Variants in RBBP4 observed in about 807,000 individuals in gnomAD.
RBBP4 encodes histone-binding protein RBBP4.
A neutral mutation model predicts 57.2 loss-of-function variants in RBBP4; 3 were observed. The observed-to-expected ratio is 0.05, with a 90% CI of 0.02 to 0.14. RBBP4 has a LOEUF of 0.14. RBBP4 is among the 10% of genes least tolerant of loss of function. The probability of loss-of-function intolerance (pLI) is 1.00; values close to 1 mark genes in which losing one functional copy is unlikely to be tolerated. For synonymous variants in RBBP4, 151 were observed against 171.5 expected, an observed-to-expected ratio of 0.88 and a Z score of 0.93; for missense variants, 107 against 520.6, an observed-to-expected ratio of 0.21 and a Z score of 7.73.
rs1649798639 is a variant in RBBP4 at position 32,685,971 on chromosome 1, G to C, written c.*6266G>C. The C allele has an allele frequency of 6.6e-6, 1 of 152,090 alleles. No individual in the cohort carries two copies. Among genetic ancestry groups the C allele is most frequent in the African/African-American group, 2.4e-5 (1 of 41,426 alleles). The allele number at this position is 152,090 out of a possible 1,614,324, so 9.4% of individuals were successfully genotyped here. A position where few individuals can be genotyped will look rare whatever the true frequency, so the allele number is the denominator to read the frequency against. On this transcript the variant is annotated 3_prime_UTR_variant, in exon 12 of 12. Transcript: ENST00000373493. ...CTAGTTTGACCCCTACCTCCAACTT[G>C]AACCTCTGTTACTCTTCCGTATGAA... is the stretch of plus-strand genomic sequence containing the variant.
intron 11 of RBBP4, among the ~76,000 whole-genome samples, chr1:32,677,478 AAAACAAAAC>A (rs1443588390): frequency 7.1e-6 from 1 of 140,394 alleles, no homozygotes. Context: ...TTTAAAAAAA[AAAACAAAAC>A]AAAAAACAAA....
At chr1:32,672,608 TGTTTTAACTTTTA>T in intron 9 of RBBP4, 21 bp from the exon 10 acceptor site, 1 of 1,608,508 alleles carries the variant, frequency 6.2e-7, no homozygotes, top group South Asian at 1.1e-5. Context: ...AGGGTAAATC[TGTTTTAACTTTTA>T]AAATTATGCT....
At chr1:32,662,729 G>C (rs111453488) in intron 3 of RBBP4, among the ~76,000 whole-genome samples, 7 of 151,868 alleles carry the variant, frequency 4.6e-5, no homozygotes, top group African/African-American at 1.7e-4. Flanking sequence ...GCTGGCGACT[G>C]TAATTCCAGC....
At chr1:32,677,123 G>A (rs544481218) in intron 11 of RBBP4, among the ~76,000 whole-genome samples, 2 of 152,280 alleles carry the variant, frequency 1.3e-5, no homozygotes, top group African/African-American at 4.8e-5. Flanking sequence ...CAGAGTGCTA[G>A]GAGTGTCTTT....
chr1:32,671,636 A>G (rs1648880145), intron 8 of RBBP4, among the ~76,000 whole-genome samples: 1 of 151,876 alleles, frequency 6.6e-6, no homozygotes. Context: ...AGGCAGCGAG[A>G]TCCCTTGAGC....
intron 11 of RBBP4, among the ~76,000 whole-genome samples, chr1:32,676,320 AC>A (rs1649098330): frequency 6.6e-6 from 1 of 152,062 alleles, no homozygotes; most frequent in African/African-American, 2.4e-5. Context: ...AAAGCTGATT[AC>A]TGGCCAGGTG....
chr1:32,680,311 T>A lies in RBBP4; in HGVS notation c.*606T>A. 1 of 1,312,168 alleles carries A rather than the reference T, an allele frequency of 7.6e-7. No individual in the cohort carries two copies. The highest frequency in any genetic ancestry group is 2.3e-5 in the South Asian group (1 of 44,060). The allele number at this position is 1,312,168 out of a possible 1,614,324, so 81.3% of individuals were successfully genotyped here. A position where few individuals can be genotyped will look rare whatever the true frequency, so the allele number is the denominator to read the frequency against. ...GTGTATTTCTTGAGCTGTTTTCATGTTGTTTATTTCCTGTCTGTGAAATGG... is the reference window on the plus strand; with the variant it reads ...GTGTATTTCTTGAGCTGTTTTCATGATGTTTATTTCCTGTCTGTGAAATGG... On this transcript the variant is annotated 3_prime_UTR_variant, in exon 12 of 12. Coordinates refer to ENST00000373493, the MANE Select transcript of RBBP4 (RefSeq NM_005610.3).
rs1430698068 is a variant in RBBP4, at chr1:32,684,488, GCA to G, written c.*4784_*4785del. 10 of 1,499,414 alleles carry G rather than the reference GCA, an allele frequency of 6.7e-6. No homozygotes were observed. Among genetic ancestry groups the G allele is most frequent in the Non-Finnish European group, 9.1e-6 (10 of 1,101,188 alleles). 92.9% of individuals were successfully genotyped at this position (1,499,414 alleles called of 1,614,324 possible). A position where few individuals can be genotyped will look rare whatever the true frequency, so the allele number is the denominator to read the frequency against. On this transcript the variant is annotated 3_prime_UTR_variant, in exon 12 of 12. Transcript: ENST00000373493. The stretch of plus-strand genomic sequence containing the variant: ...TTTTGTTCATTGTTTAATCTTGATA[GCA>G]GTATTGAGGCTGGTATTTATATGAT...
In RBBP4 at chr1:32,651,230, A is replaced by G. The variant is rs1371982663; in HGVS notation, c.-77A>G. 2.7e-6 allele frequency: 4 copies of G among 1,504,166 alleles called. No homozygotes were observed. The highest frequency in any genetic ancestry group is 3.6e-6 in the Non-Finnish European group (4 of 1,124,560). 93.2% of individuals were successfully genotyped at this position (1,504,166 alleles called of 1,614,324 possible). A position where few individuals can be genotyped will look rare whatever the true frequency, so the allele number is the denominator to read the frequency against. ...GCAGGAAACAATAGAGGCCGCGCGC[A>G]CAGAGCGAGCTCTTGCAGCCTCCCC... is the stretch of plus-strand genomic sequence containing the variant. On this transcript the variant is annotated 5_prime_UTR_variant, in exon 1 of 12. Transcript: ENST00000373493.
intron 3 of RBBP4, 136 bp downstream of exon 3, chr1:32,657,708 A>G: frequency 2.1e-6 from 2 of 967,738 alleles, no homozygotes; most frequent in Non-Finnish European, 2.9e-6. Context: ...GTAGGTATTT[A>G]TATTTATATT....
At chr1:32,677,708 TGA>T (rs1649164525) in intron 11 of RBBP4, among the ~76,000 whole-genome samples, 1 of 7,548 alleles carries the variant, frequency 1.3e-4, no homozygotes, top group Admixed American at 2.7e-3. Flanking sequence ...AGAATAGGAT[TGA>T]GTTGTACACC....
At chr1:32,662,565 G>C (rs181684046) in intron 3 of RBBP4, among the ~76,000 whole-genome samples, 1 of 151,646 alleles carries the variant, frequency 6.6e-6, no homozygotes, top group Admixed American at 6.6e-5. Flanking sequence ...TTGTAGAGAT[G>C]GGGTTTCACT....
chr1:32,659,488 A>G (rs1029268756), intron 3 of RBBP4, among the ~76,000 whole-genome samples: 3 of 148,968 alleles, frequency 2.0e-5, no homozygotes, highest in African/African-American at 7.5e-5. Flanking sequence ...TGAACCCGGG[A>G]GGCAGAGATT....
At position 32,680,094 on chromosome 1, in the gene RBBP4, A is replaced by G; in HGVS notation, c.*389A>G. On this transcript the variant is annotated 3_prime_UTR_variant, in exon 12 of 12. Transcript: ENST00000373493. ...GGTGTCTGAGCCATGAAGTATAAAT[A>G]CTGAAAGATGTCACTTTTATTCAGG... 1 of 1,066,026 alleles carries G rather than the reference A, an allele frequency of 9.4e-7. No homozygotes were observed. The highest frequency in any genetic ancestry group is 1.1e-6 in the Non-Finnish European group (1 of 882,812). The allele number at this position is 1,066,026 out of a possible 1,614,324, so 66.0% of individuals were successfully genotyped here. A position where few individuals can be genotyped will look rare whatever the true frequency, so the allele number is the denominator to read the frequency against.
At position 32,684,441 on chromosome 1, in the gene RBBP4, C is replaced by T; in HGVS notation, c.*4736C>T. On this transcript the variant is annotated 3_prime_UTR_variant, in exon 12 of 12. Coordinates refer to ENST00000373493, the MANE Select transcript of RBBP4 (RefSeq NM_005610.3). ...CCAAACAATAAAAACTCACATTGTC[C>T]ACTCTTACTTATAAAACACTTTTTT... 3.1e-6 allele frequency: 5 copies of T among 1,609,602 alleles called. No individual in the cohort carries two copies. The highest frequency in any genetic ancestry group is 4.2e-6 in the Non-Finnish European group (5 of 1,177,772).
At chr1:32,657,234 C>G (rs951022886) in intron 2 of RBBP4, among the ~76,000 whole-genome samples, 193 bp from the exon 3 acceptor site, 3 of 152,120 alleles carry the variant, frequency 2.0e-5, no homozygotes, top group African/African-American at 4.8e-5. Context: ...CAAGATCGCA[C>G]CACTCCATTC....
chr1:32,660,790 C>CT (rs937678898), intron 3 of RBBP4, among the ~76,000 whole-genome samples: 8 of 151,808 alleles, frequency 5.3e-5, no homozygotes, highest in African/African-American at 1.9e-4. Flanking sequence ...AGAATCCAGC[C>CT]TTTTTTTCCT....
intron 3 of RBBP4, 51 bp from the exon 4 acceptor site, chr1:32,668,174 C>T (rs1280999528): frequency 1.3e-6 from 2 of 1,528,940 alleles, no homozygotes; most frequent in Non-Finnish European, 9.0e-7. Context: ...CTCTGGGTAA[C>T]CTCTAGAGTA....
chr1:32,684,277 C>A lies in RBBP4; in HGVS notation c.*4572C>A. 6.2e-7 allele frequency: 1 copy of A among 1,614,168 alleles called. No individual in the cohort carries two copies. The highest frequency in any genetic ancestry group is 8.5e-7 in the Non-Finnish European group (1 of 1,180,034). On this transcript the variant is annotated 3_prime_UTR_variant, in exon 12 of 12. Coordinates refer to ENST00000373493, the MANE Select transcript of RBBP4 (RefSeq NM_005610.3). The stretch of plus-strand genomic sequence containing the variant: ...ACTGACTTATAAGTAGAGAGCTCTT[C>A]AGCAAGACTGAGCCTTAGCTGTTCC...
Sources: allele counts gnomAD v4.1 joint callset (sites outside exome capture counted in the v4.1 genomes callset), GRCh38; gene constraint gnomAD v4.1.1; transcripts MANE v1.5; gene names NCBI Gene and HGNC (gene_info 2026-07-23, HGNC 2026-07-21).